The following LANCL3 variants were observed in gnomAD, a reference collection of about 807,000 sequenced individuals.
The protein encoded by LANCL3 is lanC-like protein 3.
Under a neutral mutation model 26.5 loss-of-function variants are expected in LANCL3, and 19 were observed. The ratio of observed to expected loss-of-function variants is 0.72; its 90% confidence interval spans 0.50 to 1.05. The LOEUF (loss-of-function observed/expected upper bound fraction) is 1.05, where lower values mean the gene tolerates loss of function less well. Ranked by LOEUF, LANCL3 falls within the 50% of genes least tolerant of loss-of-function variation. LANCL3 has a pLI of 0.00. For synonymous variants in LANCL3, 160 were observed against 166.6 expected (o/e 0.96, Z 0.30); for missense variants, 318 against 362.7 (o/e 0.88, Z 1.00).
At chrX:37,595,454 G>A (rs1207288205) in intron 1 of LANCL3, among the ~76,000 whole-genome samples, 4 of 112,127 alleles carry the variant, frequency 3.6e-5, no homozygotes, top group Non-Finnish European at 7.5e-5. Context: ...TGATGGACAG[G>A]ATTCTTAGTT....
At chrX:37,622,131 A>T in intron 1 of LANCL3, among the ~76,000 whole-genome samples, 1 of 111,860 alleles carries the variant, frequency 8.9e-6, no homozygotes. Context: ...CACAATTCTT[A>T]TAGTGGTAAA....
chrX:37,600,855 G>C (rs1924557562), intron 1 of LANCL3, among the ~76,000 whole-genome samples: 1 of 111,333 alleles, frequency 9.0e-6, no homozygotes, highest in Non-Finnish European at 1.9e-5. Context: ...CTTTTGTAAG[G>C]TCGCCTGTCT....
intron 1 of LANCL3, among the ~76,000 whole-genome samples, chrX:37,582,303 T>C (rs1279452532): frequency 8.9e-6 from 1 of 111,967 alleles, no homozygotes; most frequent in Non-Finnish European, 1.9e-5. Context: ...TACCCGGTAA[T>C]GGGATGGCTG....
At position 37,675,885 on chromosome X, in the gene LANCL3, C is replaced by A. The variant is rs1238108709; in HGVS notation, c.*72C>A. The stretch of plus-strand genomic sequence containing the variant: ...GCCGAGGCAGTTTCCACATAAGCCA[C>A]ATTCAATGGTATCGCAACCATGAGC... On this transcript the variant is annotated 3_prime_UTR_variant, in exon 5 of 5. Transcript: ENST00000378619. 2 of 827,256 alleles carry A rather than the reference C, an allele frequency of 2.4e-6. No individual in the cohort carries two copies. The highest frequency in any genetic ancestry group is 3.2e-6 in the Non-Finnish European group (2 of 627,797). 68.2% of individuals were successfully genotyped at this position (827,256 alleles called of 1,213,427 possible). A position where few individuals can be genotyped will look rare whatever the true frequency, so the allele number is the denominator to read the frequency against.
intron 3 of LANCL3, among the ~76,000 whole-genome samples, chrX:37,666,331 C>G (rs1399421597): frequency 8.9e-6 from 1 of 112,107 alleles, no homozygotes; most frequent in African/African-American, 3.2e-5. Flanking sequence ...AAGTCAACCT[C>G]TACCAGACAG....
intron 1 of LANCL3, among the ~76,000 whole-genome samples, chrX:37,642,345 A>G (rs956368816): frequency 1.8e-5 from 2 of 111,760 alleles, no homozygotes; most frequent in East Asian, 5.6e-4. Flanking sequence ...ATGAACAGTG[A>G]CTTTTTAAAA....
chrX:37,587,209 AG>A (rs1192117514), intron 1 of LANCL3, among the ~76,000 whole-genome samples: 1 of 112,552 alleles, frequency 8.9e-6, no homozygotes, highest in Non-Finnish European at 1.9e-5. Context: ...TACCCCTACT[AG>A]GGGGTGCCTC....
intron 1 of LANCL3, among the ~76,000 whole-genome samples, chrX:37,600,753 T>C (rs1205065824): frequency 8.9e-6 from 1 of 112,137 alleles, no homozygotes; most frequent in African/African-American, 3.2e-5. Flanking sequence ...CCTGAGATTC[T>C]GCATTTCTTT....
At chrX:37,603,498 G>A (rs1269074448) in intron 1 of LANCL3, among the ~76,000 whole-genome samples, 2 of 112,202 alleles carry the variant, frequency 1.8e-5, no homozygotes, top group Non-Finnish European at 1.9e-5. Flanking sequence ...CCTCAAACCC[G>A]AAAGGGTAAG....
intron 1 of LANCL3, among the ~76,000 whole-genome samples, chrX:37,636,281 G>A: frequency 8.9e-6 from 1 of 111,820 alleles, no homozygotes; most frequent in Non-Finnish European, 1.9e-5. Flanking sequence ...ACATACATGT[G>A]CATGTGTCTT....
At chrX:37,617,894 T>TA (rs1408816063) in intron 1 of LANCL3, among the ~76,000 whole-genome samples, 8 of 111,375 alleles carry the variant, frequency 7.2e-5, no homozygotes, top group African/African-American at 1.6e-4. Context: ...TTTTAGCCAT[T>TA]AAAAAAAATC....
chrX:37,582,498 C>A (rs12009818), intron 1 of LANCL3, among the ~76,000 whole-genome samples: 15,880 of 111,523 alleles, frequency 0.14, 1,392 homozygotes, highest in African/African-American at 0.33. Context: ...GGGGGTGTCT[C>A]ATCATAGTTT....
intron 1 of LANCL3, among the ~76,000 whole-genome samples, chrX:37,627,686 G>T (rs1556423291): frequency 8.9e-6 from 1 of 111,797 alleles, no homozygotes; most frequent in Non-Finnish European, 1.9e-5. Flanking sequence ...CTCAGTGAGA[G>T]AGTGCTAGCA....
At chrX:37,618,882 G>C (rs1925078794) in intron 1 of LANCL3, among the ~76,000 whole-genome samples, 2 of 111,491 alleles carry the variant, frequency 1.8e-5, no homozygotes, top group Admixed American at 1.9e-4. Context: ...TGTGGAAGAT[G>C]GCAATGAAGA....
At chrX:37,660,127 A>G (rs1271866717) in intron 3 of LANCL3, among the ~76,000 whole-genome samples, 2 of 111,627 alleles carry the variant, frequency 1.8e-5, no homozygotes, top group Non-Finnish European at 3.8e-5. Flanking sequence ...TCAAATGTCA[A>G]TTTAGACTAG....
chrX:37,624,566 T>G (rs1925259954), intron 1 of LANCL3, among the ~76,000 whole-genome samples: 2 of 112,240 alleles, frequency 1.8e-5, no homozygotes, highest in Admixed American at 1.9e-4. Flanking sequence ...AATTAATTTA[T>G]TAAATTAATG....
rs1556437775 is a variant in LANCL3 at position 37,677,492 on chromosome X, A to G, written c.*1679A>G. The G allele has an allele frequency of 1.8e-5, 2 of 112,063 alleles. No homozygotes were observed. The highest frequency in any genetic ancestry group is 5.6e-4 in the East Asian group (2 of 3,585). 9.2% of individuals were successfully genotyped at this position (112,063 alleles called of 1,213,427 possible). A position where few individuals can be genotyped will look rare whatever the true frequency, so the allele number is the denominator to read the frequency against. ...ATAAAGTAGGACAAAATGATTTTGA[A>G]ATGCATACATCTTTTCAGCTTCCTG... On this transcript the variant is annotated 3_prime_UTR_variant, in exon 5 of 5. Coordinates refer to ENST00000378619, the MANE Select transcript of LANCL3 (RefSeq NM_001170331.2).
chrX:37,655,832 G>A, intron 2 of LANCL3, 21 bp downstream of exon 2: 1 of 1,190,598 alleles, frequency 8.4e-7, no homozygotes. Flanking sequence ...GTGTTTGCAT[G>A]GGCCTGTAGG....
chrX:37,621,291 G>T (rs1925152137), intron 1 of LANCL3, among the ~76,000 whole-genome samples: 1 of 112,027 alleles, frequency 8.9e-6, no homozygotes, highest in Non-Finnish European at 1.9e-5. Context: ...ACTCCACACA[G>T]AGATTGACAC....
Sources: gnomAD v4.1 joint callset for allele counts (sites outside exome capture counted in the v4.1 genomes callset) on GRCh38, gnomAD v4.1.1 for gene constraint, MANE v1.5 for transcripts, NCBI Gene and HGNC (gene_info 2026-07-23, HGNC 2026-07-21) for gene names.